Variants in SOX5 observed in about 807,000 individuals in gnomAD.
SOX5 encodes transcription factor SOX-5.
In SOX5, 9 loss-of-function variants were observed where a neutral mutation model predicts 92.0. The observed-to-expected ratio is 0.10, with a 90% CI of 0.06 to 0.17. The LOEUF is 0.17. SOX5 is among the 10% of genes least tolerant of loss of function. The pLI, the probability that SOX5 is intolerant of heterozygous loss-of-function variation, is 1.00. For synonymous variants in SOX5, 344 were observed against 336.3 expected (o/e 1.02, Z -0.25); for missense variants, 642 against 944.5 (o/e 0.68, Z 4.20).
intron 3 of SOX5, among the ~76,000 whole-genome samples, chr12:24,242,135 C>T (rs1054499257): frequency 1.2e-4 from 18 of 152,140 alleles, no homozygotes; most frequent in Middle Eastern, 3.4e-3. Flanking sequence ...AAGATTTGCA[C>T]AGAATAATAA....
At chr12:24,215,541 C>T (rs1959100348) in intron 3 of SOX5, among the ~76,000 whole-genome samples, 1 of 151,950 alleles carries the variant, frequency 6.6e-6, no homozygotes, top group Non-Finnish European at 1.5e-5. Context: ...ATAAATTTAA[C>T]ATTAGAAGTC....
chr12:24,232,621 C>T (rs1963627352), intron 3 of SOX5, among the ~76,000 whole-genome samples: 1 of 152,104 alleles, frequency 6.6e-6, no homozygotes, highest in Non-Finnish European at 1.5e-5. Flanking sequence ...CTAAGAATGA[C>T]TTGATATGAG....
At chr12:24,196,851 C>T (rs372608215) in intron 4 of SOX5, among the ~76,000 whole-genome samples, 1 of 152,022 alleles carries the variant, frequency 6.6e-6, no homozygotes, top group Non-Finnish European at 1.5e-5. Context: ...TGCAGTGAGT[C>T]GAGATCATAC....
chr12:23,588,729 A>G (rs1228863331), intron 9 of SOX5, among the ~76,000 whole-genome samples: 10 of 137,582 alleles, frequency 7.3e-5, no homozygotes, highest in African/African-American at 1.8e-4. Context: ...GTGCACACAC[A>G]CACACACACA....
chr12:23,857,261 T>C (rs1186338299), intron 2 of SOX5, among the ~76,000 whole-genome samples: 2 of 152,272 alleles, frequency 1.3e-5, no homozygotes, highest in African/African-American at 2.4e-5. Context: ...TGGAGAACTA[T>C]TGTTGATCTA....
chr12:24,094,099 A>G (rs1945019602), intron 4 of SOX5, among the ~76,000 whole-genome samples: 1 of 152,028 alleles, frequency 6.6e-6, no homozygotes, highest in African/African-American at 2.4e-5. Context: ...GGCGCCCGCC[A>G]CCATGCCCGG....
intron 4 of SOX5, among the ~76,000 whole-genome samples, chr12:24,155,451 G>A (rs1220579562): frequency 6.6e-6 from 1 of 151,774 alleles, no homozygotes; most frequent in Non-Finnish European, 1.5e-5. Context: ...GTCATGACAT[G>A]AGTTATTTTA....
intron 2 of SOX5, among the ~76,000 whole-genome samples, chr12:23,849,925 CA>C (rs2096613039): frequency 6.6e-6 from 1 of 151,976 alleles, no homozygotes; most frequent in Admixed American, 6.6e-5. Context: ...GCATCCTTTC[CA>C]GTAAAATTAA....
chr12:23,533,455 A>T lies in SOX5; in HGVS notation c.*764T>A. On this transcript the variant is annotated 3_prime_UTR_variant, in exon 15 of 15. Transcript: ENST00000451604. ...CCTAACTTAAGAAGGAAAAGGAAAA[A>T]GTAAAGAGAAAAAATGAACTTGGTC... 5.2e-6 allele frequency: 1 copy of T among 191,106 alleles called. No individual in the cohort carries two copies. Among genetic ancestry groups the T allele is most frequent in the Non-Finnish European group, 1.1e-5 (1 of 89,974 alleles). 11.8% of individuals were successfully genotyped at this position (191,106 alleles called of 1,614,324 possible).
intron 1 of SOX5, among the ~76,000 whole-genome samples, chr12:24,531,038 A>G (rs1240047494): frequency 1.3e-5 from 2 of 152,228 alleles, no homozygotes; most frequent in Non-Finnish European, 2.9e-5. Flanking sequence ...CTCTGTACAC[A>G]TGATTGTGTA....
At chr12:23,606,563 T>C (rs1025808248) in intron 8 of SOX5, among the ~76,000 whole-genome samples, 2 of 151,936 alleles carry the variant, frequency 1.3e-5, no homozygotes, top group African/African-American at 4.8e-5. Flanking sequence ...TTGTGTTATT[T>C]AGATATTTAA....
intron 4 of SOX5, among the ~76,000 whole-genome samples, chr12:24,131,175 A>G (rs1949611317): frequency 6.6e-6 from 1 of 152,228 alleles, no homozygotes; most frequent in Non-Finnish European, 1.5e-5. Flanking sequence ...GTAAACCAGA[A>G]AGCATAAAAT....
chr12:24,353,650 T>C (rs1954408913), intron 2 of SOX5, among the ~76,000 whole-genome samples: 1 of 152,064 alleles, frequency 6.6e-6, no homozygotes, highest in Non-Finnish European at 1.5e-5. Flanking sequence ...TTATTCTTTT[T>C]TTTTTAGGGG....
intron 3 of SOX5, among the ~76,000 whole-genome samples, chr12:23,827,415 A>C (rs2096250660): frequency 6.6e-6 from 1 of 152,244 alleles, no homozygotes; most frequent in Non-Finnish European, 1.5e-5. Context: ...AAGTTCAAGA[A>C]AAGTTCCTTA....
At chr12:23,676,437 C>T (rs140016633) in intron 6 of SOX5, among the ~76,000 whole-genome samples, 208 of 152,238 alleles carry the variant, frequency 1.4e-3, no homozygotes, top group African/African-American at 4.4e-3. Flanking sequence ...CCTCAAAACC[C>T]GGCTTAAGTG....
chr12:23,787,279 A>C (rs2095397448), intron 3 of SOX5, among the ~76,000 whole-genome samples: 1 of 152,040 alleles, frequency 6.6e-6, no homozygotes, highest in Non-Finnish European at 1.5e-5. Flanking sequence ...TTAAGATTTT[A>C]AATACACCAA....
intron 1 of SOX5, among the ~76,000 whole-genome samples, chr12:24,485,736 T>C (rs2137879303): frequency 6.6e-6 from 1 of 152,278 alleles, no homozygotes; most frequent in African/African-American, 2.4e-5. Flanking sequence ...TTAAAAATGT[T>C]TTTATCATCC....
In SOX5 at chr12:24,453,278, G is replaced by T. The variant is rs535950216; in HGVS notation, c.-250-84639C>A. On this transcript the variant is annotated intron_variant, in intron 1 of 4. Coordinates refer to the SOX5 transcript ENST00000446891. ...TAGAATTTTTTTTCCTTAAAAAAAA[G>T]GCACTATGTTTTGAAATAATAAAAA... 2.7e-5 allele frequency among the ~76,000 whole-genome samples: 4 copies of T among 150,596 alleles called. No individual in the cohort carries two copies. In the East Asian group the frequency reaches 7.9e-4, roughly 30 times the overall value.
intron 1 of SOX5, among the ~76,000 whole-genome samples, chr12:24,558,861 A>T (rs1954065659): frequency 6.6e-6 from 1 of 152,230 alleles, no homozygotes; most frequent in African/African-American, 2.4e-5. Context: ...AACCAGACTG[A>T]TCATAATTGG....
Sources: gnomAD v4.1 joint callset for allele counts (sites outside exome capture counted in the v4.1 genomes callset) on GRCh38, gnomAD v4.1.1 for gene constraint, MANE v1.5 for transcripts, NCBI Gene and HGNC (gene_info 2026-07-23, HGNC 2026-07-21) for gene names.